The following DAPK3 variants were observed in gnomAD, a reference collection of about 807,000 sequenced individuals.
DAPK3 encodes the protein death-associated protein kinase 3.
Under a neutral mutation model 30.6 loss-of-function variants are expected in DAPK3, and 24 were observed. The ratio of observed to expected loss-of-function variants is 0.78; its 90% CI spans 0.57 to 1.10. The LOEUF (loss-of-function observed/expected upper bound fraction) is 1.10, where lower values mean the gene tolerates loss of function less well. Among genes scored for constraint, DAPK3 ranks in the 50% least tolerant of loss-of-function variants. DAPK3 has a pLI of 0.00. For missense variants in DAPK3, 629 were observed against 657.3 expected (o/e 0.96, Z 0.47); for synonymous variants, 341 against 284.0 (o/e 1.20, Z -2.02).
At chr19:3,967,662 G>A (rs1241356622) in intron 2 of DAPK3, among the ~76,000 whole-genome samples, 1 of 152,232 alleles carries the variant, frequency 6.6e-6, no homozygotes, top group African/African-American at 2.4e-5. Context: ...GGCTGAAGCA[G>A]GAGAATCACT....
chr19:3,970,157 CAAAA>C (rs1327952058), intron 1 of DAPK3, among the ~76,000 whole-genome samples: 1 of 152,212 alleles, frequency 6.6e-6, no homozygotes, highest in African/African-American at 2.4e-5. Context: ...CCTGCTCAGC[CAAAA>C]TCCCCCACCA....
intron 6 of DAPK3, 74 bp from the exon 7 acceptor site, chr19:3,961,235 C>T (rs897308293): frequency 4.0e-6 from 5 of 1,259,186 alleles, no homozygotes; most frequent in East Asian, 2.4e-5. Flanking sequence ...CGGCTGCCCA[C>T]GACAGGCGGA....
At position 3,964,945 on chromosome 19, in the gene DAPK3, T is replaced by C; in HGVS notation, c.109A>G (p.Lys37Glu). 1 of 1,611,686 alleles carries C rather than the reference T, an allele frequency of 6.2e-7. No individual in the cohort carries two copies. Among genetic ancestry groups the C allele is most frequent in the Non-Finnish European group, 8.5e-7 (1 of 1,178,722 alleles). The change falls in exon 3 of 9, where the codon AAG becomes GAG. Residue 37 changes from lysine (K) to glutamate (E), a missense_variant. Physicochemically the swap from Lys to Glu is moderately conservative, Grantham distance 56 (BLOSUM62 1). This residue lies in a region of DAPK3 where 306 missense variants were observed against 378.5 expected (regional missense o/e 0.81). Transcript: ENST00000545797. ...TTGATGAACTTGGCTGCGTACTCCT[T>C]GCCCGTGCCCTTCTGCCGGCACTTC... is the stretch of plus-strand genomic sequence containing the variant. ...VRKCRQKGTG[K>E]EYAAKFIKKR...
intron 6 of DAPK3, chr19:3,961,761 T>C (rs1264834505): frequency 6.2e-6 from 2 of 321,718 alleles, no homozygotes; most frequent in East Asian, 7.6e-5. Flanking sequence ...AGCCTCAGAC[T>C]GGAGGCGGCG....
rs3745981 is a variant in DAPK3 at position 3,958,892 on chromosome 19, G to A, written c.*209C>T. 0.56 allele frequency: 325,578 copies of A among 581,158 alleles called. 95,216 individuals are homozygous for A. Among genetic ancestry groups the A allele is most frequent in the East Asian group, 0.7 (24,038 of 34,250 alleles). The allele number at this position is 581,158 out of a possible 1,614,324, so 36.0% of individuals were successfully genotyped here. Reference sequence around the variant, plus strand: ...CAGGGGTGAAGGTGAAGGCCAGCGTGGAGGCTGTGTAGAGAAGCAGCCCCG... The same window carrying A: ...CAGGGGTGAAGGTGAAGGCCAGCGTAGAGGCTGTGTAGAGAAGCAGCCCCG... On this transcript the variant is annotated 3_prime_UTR_variant, in exon 9 of 9. Transcript: ENST00000545797.
intron 7 of DAPK3, 86 bp from the exon 8 acceptor site, chr19:3,960,190 C>T: frequency 1.3e-6 from 1 of 756,498 alleles, no homozygotes; most frequent in Non-Finnish European, 2.3e-6. Context: ...CCCCCAAAAG[C>T]CCTAAAGTCG....
chr19:3,963,091 G>A (rs913921989), intron 6 of DAPK3, among the ~76,000 whole-genome samples: 2 of 135,552 alleles, frequency 1.5e-5, no homozygotes, highest in Admixed American at 8.5e-5. Flanking sequence ...GACAACAAGA[G>A]CAAAACTCCA....
At chr19:3,964,555 C>A (rs1177997984) in intron 3 of DAPK3, 76 bp downstream of exon 3, 9 of 1,448,826 alleles carry the variant, frequency 6.2e-6, no homozygotes, top group Admixed American at 5.8e-5. Flanking sequence ...GCAGGAGGTG[C>A]CTTCCAGGCT....
rs769104946 is a variant in DAPK3, at chr19:3,959,521, G to C, written c.945C>G (p.Pro315=). Residue 315 remains proline (P), a synonymous_variant, in exon 9 of 9, where the codon CCC becomes CCG. Transcript: ENST00000545797. ...GCTCGAAGTCGGCGTAGCTGTTGTT[G>C]GGCGGCAAGCTGGAGTGCGACTTGA... ...YTIKSHSSLP[P]NNSYADFERF... The C allele has an allele frequency of 1.3e-6, 2 of 1,569,992 alleles. No individual in the cohort carries two copies. Among genetic ancestry groups the C allele is most frequent in the Admixed American group, 3.6e-5 (2 of 54,898 alleles).
At chr19:3,964,568 T>TGCC in intron 3 of DAPK3, 63 bp downstream of exon 3, 78 of 1,321,006 alleles carry the variant, frequency 5.9e-5, no homozygotes, top group Non-Finnish European at 7.4e-5. Flanking sequence ...TCCAGGCTCT[T>TGCC]CCCCGCCCCA....
chr19:3,965,796 C>G (rs1163753542), intron 2 of DAPK3, among the ~76,000 whole-genome samples: 1 of 151,996 alleles, frequency 6.6e-6, no homozygotes, highest in East Asian at 1.9e-4. Flanking sequence ...TCTCAAGCAG[C>G]TGGGACTACA....
chr19:3,960,372 G>C (rs1223907844), intron 7 of DAPK3, among the ~76,000 whole-genome samples: 1 of 152,086 alleles, frequency 6.6e-6, no homozygotes, highest in Non-Finnish European at 1.5e-5. Flanking sequence ...CTACGAGTGA[G>C]GGCTCAGCAC....
chr19:3,962,778 ACT>A (rs1239780467), intron 6 of DAPK3, among the ~76,000 whole-genome samples: 1 of 83,838 alleles, frequency 1.2e-5, no homozygotes, highest in South Asian at 4.7e-4. Context: ...CAAGAGCGAA[ACT>A]CTGTCTCAAA....
At position 3,969,632 on chromosome 19, in the gene DAPK3, TCTCCTATCCCTGGAGCCCAGCCGTG is replaced by T. The variant is rs1463147607; in HGVS notation, c.62+17_62+41del. 3.0e-6 allele frequency: 4 copies of T among 1,338,118 alleles called. No individual in the cohort carries two copies. Among genetic ancestry groups the T allele is most frequent in the Non-Finnish European group, 3.2e-6 (3 of 931,210 alleles). The allele number at this position is 1,338,118 out of a possible 1,614,324, so 82.9% of individuals were successfully genotyped here. On this transcript the variant is annotated intron_variant, in intron 2 of 8. Coordinates refer to ENST00000545797, the MANE Select transcript of DAPK3 (RefSeq NM_001348.3). ...TGTTCAGAAAACCCCACAGCGCCTC[TCTCCTATCCCTGGAGCCCAGCCGTG>T]CGGGCAGACAGCTCACCTGCCCAGC...
intron 8 of DAPK3, 113 bp from the exon 9 acceptor site, chr19:3,959,750 C>G (rs998922440): frequency 1.6e-6 from 2 of 1,239,286 alleles, no homozygotes; most frequent in Admixed American, 2.8e-5. Context: ...AGAGTCAACG[C>G]CTCGTGACGG....
At chr19:3,969,967 CT>C (rs1356273449) in intron 1 of DAPK3, 138 bp from the exon 2 acceptor site, 2 of 562,726 alleles carry the variant, frequency 3.6e-6, no homozygotes, top group Non-Finnish European at 6.3e-6. Flanking sequence ...AAAAGAGGTG[CT>C]GTGTTTACTG....
At chr19:3,970,057 A>C (rs1599184639) in intron 1 of DAPK3, 2 of 360,562 alleles carry the variant, frequency 5.5e-6, no homozygotes, top group Middle Eastern at 7.5e-4. Flanking sequence ...GGCCACCTTC[A>C]CCCCGCAAAA....
chr19:3,961,438 C>G, intron 6 of DAPK3: 1 of 590,068 alleles, frequency 1.7e-6, no homozygotes, highest in South Asian at 1.4e-5. Context: ...GACGCAGAGC[C>G]CGAAAGCCCC....
At position 3,961,107 on chromosome 19, in the gene DAPK3, G is replaced by A. The variant is rs1476031345; in HGVS notation, c.684C>T (p.Asn228=). Residue 228 remains asparagine, a synonymous_variant, in exon 7 of 9, where the codon AAC becomes AAT. Transcript: ENST00000545797. ...LGETKQETLT[N]ISAVNYDFDE... ...CGAAGTCGTAGTTCACGGCTGAGATGTTGGTGAGCGTCTCCTGCTTGGTCT... is the reference window on the plus strand; with the variant it reads ...CGAAGTCGTAGTTCACGGCTGAGATATTGGTGAGCGTCTCCTGCTTGGTCT... The A allele has an allele frequency of 6.2e-7, 1 of 1,613,472 alleles. No homozygotes were observed. Among genetic ancestry groups the A allele is most frequent in the Non-Finnish European group, 8.5e-7 (1 of 1,179,820 alleles).
Sources: gnomAD v4.1 joint callset for allele counts (sites outside exome capture counted in the v4.1 genomes callset) on GRCh38, gnomAD v4.1.1 for gene constraint, gnomAD v4.1.1 regional missense constraint, MANE v1.5 for transcripts, NCBI Gene and HGNC (gene_info 2026-07-23, HGNC 2026-07-21) for gene names.